TMEM167A: variants seen among roughly 807,000 people sequenced by gnomAD.
The protein encoded by TMEM167A is protein kish-A.
Under a neutral mutation model 11.6 loss-of-function variants are expected in TMEM167A, and 8 were observed. The observed-to-expected ratio is 0.69, with a 90% CI of 0.40 to 1.24. The LOEUF (loss-of-function observed/expected upper bound fraction) is 1.24. TMEM167A is among the 50% of genes most tolerant of loss of function. The pLI, the probability that TMEM167A is intolerant of heterozygous loss-of-function variation, is 0.01. For synonymous variants in TMEM167A, 22 were observed against 28.0 expected (o/e 0.79, Z 0.67); for missense variants, 62 against 87.0 (o/e 0.71, Z 1.14).
chr5:83,058,729 C>A (rs1225359237), intron 3 of TMEM167A, among the ~76,000 whole-genome samples: 1 of 152,046 alleles, frequency 6.6e-6, no homozygotes, highest in Non-Finnish European at 1.5e-5. Context: ...TTTCCTCATC[C>A]TTCAAATTAG....
intron 3 of TMEM167A, among the ~76,000 whole-genome samples, chr5:83,060,611 C>T (rs1744393577): frequency 6.6e-6 from 1 of 151,760 alleles, no homozygotes. Flanking sequence ...GCGGGCGGAT[C>T]ACAAGGTCAG....
At chr5:83,069,447 A>C (rs557673993) in intron 1 of TMEM167A, among the ~76,000 whole-genome samples, 1 of 152,304 alleles carries the variant, frequency 6.6e-6, no homozygotes, top group Admixed American at 6.5e-5. Flanking sequence ...GATGATTAAA[A>C]GGTGGTAAGT....
intron 1 of TMEM167A, among the ~76,000 whole-genome samples, chr5:83,072,310 T>C (rs1459804229): frequency 6.6e-6 from 1 of 152,148 alleles, no homozygotes; most frequent in African/African-American, 2.4e-5. Context: ...ATGTCTTTGA[T>C]AAAAAGGTTG....
rs902866353 is a variant in TMEM167A at position 83,053,237 on chromosome 5, T to C, written c.*3847A>G. 7.2e-5 allele frequency: 11 copies of C among 151,988 alleles called. No individual in the cohort carries two copies. The highest frequency in any genetic ancestry group is 2.2e-4 in the African/African-American group (9 of 41,430). The allele number at this position is 151,988 out of a possible 1,614,324, so 9.4% of individuals were successfully genotyped here. A position where few individuals can be genotyped will look rare whatever the true frequency, so the allele number is the denominator to read the frequency against. ...AAGCTTCCTATGATCCAGTAACTTC[T>C]CAAAGGCTTTGCAAAAAGCGTAAGT... On this transcript the variant is annotated 3_prime_UTR_variant, in exon 4 of 4. Coordinates refer to ENST00000502346, the MANE Select transcript of TMEM167A (RefSeq NM_174909.5).
intron 1 of TMEM167A, among the ~76,000 whole-genome samples, chr5:83,072,147 T>C (rs1042730513): frequency 1.3e-5 from 2 of 152,200 alleles, no homozygotes; most frequent in Non-Finnish European, 2.9e-5. Context: ...GTACCTACAA[T>C]TAATTTGCTG....
chr5:83,061,955 G>A (rs1425568835), intron 2 of TMEM167A, 44 bp from the exon 3 acceptor site: 3 of 1,502,336 alleles, frequency 2.0e-6, no homozygotes, highest in Middle Eastern at 1.7e-4. Flanking sequence ...TTGATTACTC[G>A]GAAAGGTAAA....
chr5:83,063,703 G>GCACACACACA (rs112611185), intron 2 of TMEM167A, among the ~76,000 whole-genome samples: 1 of 149,634 alleles, frequency 6.7e-6, no homozygotes, highest in African/African-American at 2.4e-5. Flanking sequence ...ACTTACACAT[G>GCACACACACA]CACACACACA....
chr5:83,064,590 C>CAT (rs1234599166), intron 2 of TMEM167A, among the ~76,000 whole-genome samples: 1 of 152,070 alleles, frequency 6.6e-6, no homozygotes, highest in African/African-American at 2.4e-5. Context: ...AGAAAGACTT[C>CAT]ATGCACAGCC....
At chr5:83,060,513 A>G (rs2112239889) in intron 3 of TMEM167A, among the ~76,000 whole-genome samples, 1 of 152,122 alleles carries the variant, frequency 6.6e-6, no homozygotes, top group Non-Finnish European at 1.5e-5. Flanking sequence ...AAAGGTTAAA[A>G]AAGGGTGTAA....
intron 1 of TMEM167A, among the ~76,000 whole-genome samples, chr5:83,074,684 A>G (rs1310862860): frequency 6.6e-6 from 1 of 152,226 alleles, no homozygotes; most frequent in Non-Finnish European, 1.5e-5. Context: ...ACAACATAGC[A>G]GACAACAGAT....
At chr5:83,066,102 C>CACTAGAA (rs766087569) in intron 1 of TMEM167A, among the ~76,000 whole-genome samples, 4 of 151,982 alleles carry the variant, frequency 2.6e-5, no homozygotes, top group African/African-American at 7.3e-5. Flanking sequence ...GCCTGTCTCA[C>CACTAGAA]ACTAGAAGCC....
intron 1 of TMEM167A, among the ~76,000 whole-genome samples, chr5:83,068,639 GA>G (rs200023297): frequency 6.7e-6 from 1 of 149,622 alleles, no homozygotes; most frequent in Non-Finnish European, 1.5e-5. Context: ...CTCCAGAAGA[GA>G]AAAAAAAATG....
At chr5:83,062,902 C>G (rs1431739823) in intron 2 of TMEM167A, among the ~76,000 whole-genome samples, 2 of 144,872 alleles carry the variant, frequency 1.4e-5, no homozygotes, top group African/African-American at 5.2e-5. Flanking sequence ...ATCATTACAT[C>G]TGAATGGGTA....
Position 83,054,203 on chromosome 5 carries a change from T to A in TMEM167A, c.*2881A>T, listed in dbSNP as rs1744296730. The A allele has an allele frequency of 3.3e-5, 5 of 151,962 alleles. No homozygotes were observed. The highest frequency in any genetic ancestry group is 3.3e-4 in the Admixed American group (5 of 15,228). 9.4% of individuals were successfully genotyped at this position (151,962 alleles called of 1,614,324 possible). Reference sequence around the variant, plus strand: ...AAGAGCGATTTTGAACCTGAACATATAAAAGCATTCAAGATAGTGTCTGGC... The same window carrying A: ...AAGAGCGATTTTGAACCTGAACATAAAAAAGCATTCAAGATAGTGTCTGGC... On this transcript the variant is annotated 3_prime_UTR_variant, in exon 4 of 4. Coordinates refer to ENST00000502346, the MANE Select transcript of TMEM167A (RefSeq NM_174909.5).
At position 83,065,053 on chromosome 5, in the gene TMEM167A, T is replaced by A. The variant is rs138156821; in HGVS notation, c.68A>T (p.Tyr23Phe). The A allele has an allele frequency of 6.2e-7, 1 of 1,606,376 alleles. No homozygotes were observed. Among genetic ancestry groups the A allele is most frequent in the African/African-American group, 1.4e-5 (1 of 73,998 alleles). ...GAGGCTGGGTGCCAAGGATCGAATA[T>A]AAGCACAGGTACATATAAGCAGCAA... ...VILLLICTCA[Y>F]IRSLAPSLLD... Residue 23 changes from tyrosine to phenylalanine, a missense_variant, in exon 2 of 4, where the codon TAT (tyrosine) becomes TTT (phenylalanine). Physicochemically the swap from Tyr to Phe is conservative, Grantham distance 22. Transcript: ENST00000502346.
rs1032810477 is a variant in TMEM167A, at chr5:83,065,081, T to C, written c.40A>G (p.Ile14Val). ...IFNFQSLLTV[I>V]LLLICTCAYI... Reference sequence around the variant, plus strand: ...GCACAGGTACATATAAGCAGCAAGATTACAGTCAATAGACTCTGAAAATTG... The same window carrying C: ...GCACAGGTACATATAAGCAGCAAGACTACAGTCAATAGACTCTGAAAATTG... The change falls in exon 2 of 4, where the codon ATC (isoleucine) becomes GTC (valine). Residue 14 changes from isoleucine to valine, a missense_variant. Transcript: ENST00000502346. 2 of 1,602,694 alleles carry C rather than the reference T, an allele frequency of 1.2e-6. No individual in the cohort carries two copies. The highest frequency in any genetic ancestry group is 1.7e-5 in the Admixed American group (1 of 58,896).
chr5:83,073,867 A>G (rs921454170), intron 1 of TMEM167A, among the ~76,000 whole-genome samples: 1 of 152,204 alleles, frequency 6.6e-6, no homozygotes, highest in African/African-American at 2.4e-5. Flanking sequence ...AGTATCTTCA[A>G]AACGATTTTC....
intron 2 of TMEM167A, 138 bp downstream of exon 2, chr5:83,064,870 T>G (rs1164511782): frequency 6.8e-6 from 4 of 583,986 alleles, no homozygotes; most frequent in African/African-American, 2.0e-5. Flanking sequence ...TTTGAATTTT[T>G]AACAGGAAGA....
In TMEM167A at chr5:83,053,137, C is replaced by T. The variant is rs892917757; in HGVS notation, c.*3947G>A. 1.3e-5 allele frequency: 2 copies of T among 151,894 alleles called. No individual in the cohort carries two copies. The highest frequency in any genetic ancestry group is 2.9e-5 in the Non-Finnish European group (2 of 67,886). 9.4% of individuals were successfully genotyped at this position (151,894 alleles called of 1,614,324 possible). On this transcript the variant is annotated 3_prime_UTR_variant, in exon 4 of 4. Coordinates refer to ENST00000502346, the MANE Select transcript of TMEM167A (RefSeq NM_174909.5). ...CGTTCACAATGCTGGTATTAATCAG[C>T]TACATATTTTGAACATCTACTGTTA...
Sources: allele counts gnomAD v4.1 joint callset (sites outside exome capture counted in the v4.1 genomes callset), GRCh38; gene constraint gnomAD v4.1.1; transcripts MANE v1.5; gene names NCBI Gene and HGNC (gene_info 2026-07-23, HGNC 2026-07-21).